Variants in OLFM1 observed in about 807,000 individuals in gnomAD.
The protein encoded by OLFM1 is olfactomedin 1.
Under a neutral mutation model 49.7 loss-of-function variants are expected in OLFM1, and 9 were observed. The observed-to-expected ratio is 0.18, with a 90% CI of 0.11 to 0.32. The LOEUF (loss-of-function observed/expected upper bound fraction) is 0.32, where lower values mean the gene tolerates loss of function less well. Ranked by LOEUF, OLFM1 falls within the 10% of genes least tolerant of loss-of-function variation. OLFM1 has a pLI of 1.00. For synonymous variants in OLFM1, 240 were observed against 271.8 expected, an observed-to-expected ratio of 0.88 and a Z score of 1.15; for missense variants, 369 against 661.8, an observed-to-expected ratio of 0.56 and a Z score of 4.85.
Position 135,088,228 on chromosome 9 carries a change from C to T in OLFM1, c.150+89C>T, listed in dbSNP as rs987102194. 2.6e-6 allele frequency: 3 copies of T among 1,148,040 alleles called. No homozygotes were observed. Among genetic ancestry groups the T allele is most frequent in the Admixed American group, 8.9e-5 (2 of 22,354 alleles). The allele number at this position is 1,148,040 out of a possible 1,614,324, so 71.1% of individuals were successfully genotyped here. On this transcript the variant is annotated intron_variant, in intron 1 of 5. Transcript: ENST00000371793. This position sits in a 1 kb window ranked among gnomAD's most constrained non-coding sequence, Gnocchi z 4.8. ...TCCGGAGCCCCGGGCTGGGCGGGCG[C>T]CGCGCGGGACCCGAGTCGCCCAGGG...
At position 135,118,026 on chromosome 9, in the gene OLFM1, C is replaced by G. The variant is rs143169087; in HGVS notation, c.784-1478C>G. Among the ~76,000 whole-genome samples, 712 of 152,288 alleles carry G rather than the reference C, an allele frequency of 4.7e-3. 6 individuals are homozygous for G. Among genetic ancestry groups the G allele is most frequent in the Middle Eastern group, 0.02 (6 of 294 alleles). The stretch of plus-strand genomic sequence containing the variant: ...GTGGCACCCTTTGGTTGTGACTACT[C>G]TTTCCTGGCTCTCTGGGTTTGGAGG... On this transcript the variant is annotated intron_variant, in intron 5 of 5. Coordinates refer to ENST00000371793, the MANE Select transcript of OLFM1 (RefSeq NM_001282611.2).
intron 5 of OLFM1, among the ~76,000 whole-genome samples, chr9:135,118,600 GA>G (rs1281344315): frequency 1.3e-5 from 2 of 150,386 alleles, no homozygotes; most frequent in South Asian, 2.1e-4. Flanking sequence ...TGGGTCTTTG[GA>G]AATGCTCACT....
chr9:135,116,296 A>G (rs549666693), intron 5 of OLFM1, among the ~76,000 whole-genome samples: 1 of 152,296 alleles, frequency 6.6e-6, no homozygotes, highest in African/African-American at 2.4e-5. Flanking sequence ...TTTACCCCAC[A>G]GAAACTGGCA....
In OLFM1 at chr9:135,087,734, C is replaced by A; in HGVS notation, c.-256C>A. On this transcript the variant is annotated 5_prime_UTR_variant, in exon 1 of 6. Coordinates refer to ENST00000371793, the MANE Select transcript of OLFM1 (RefSeq NM_001282611.2). ...AGGGACGCAGCCGGGCAAGGCAGGG[C>A]GCAGGGCGGGCGGCGCGAGGCGCAG... 5.0e-6 allele frequency: 2 copies of A among 398,002 alleles called. No homozygotes were observed. The highest frequency in any genetic ancestry group is 9.7e-5 in the South Asian group (1 of 10,342). The allele number at this position is 398,002 out of a possible 1,614,324, so 24.7% of individuals were successfully genotyped here. A position where few individuals can be genotyped will look rare whatever the true frequency, so the allele number is the denominator to read the frequency against.
intron 2 of OLFM1, among the ~76,000 whole-genome samples, chr9:135,091,681 A>G (rs1254596356): frequency 2.1e-5 from 2 of 93,250 alleles, no homozygotes; most frequent in Non-Finnish European, 4.3e-5. Flanking sequence ...ACACTCACAC[A>G]TAGTCTCACA....
At chr9:135,107,125 G>T (rs1477160712) in intron 5 of OLFM1, among the ~76,000 whole-genome samples, 1 of 151,724 alleles carries the variant, frequency 6.6e-6, no homozygotes, top group African/African-American at 2.4e-5. Flanking sequence ...CCTCCTCCCC[G>T]GCCCGGTGGG....
upstream of OLFM1, chr9:135,087,506 G>C: frequency 7.0e-7 from 1 of 1,427,242 alleles, no homozygotes; most frequent in Non-Finnish European, 9.3e-7. Context: ...CCCAACTCCT[G>C]GGCGGACTGG....
Position 135,098,254 on chromosome 9 carries a change from T to C in OLFM1, c.457-32T>C. ...CAGGGTGTGAGAGTTCTTGCATGCA[T>C]CGCACTGAACCAGCTTATTTTAACC... On this transcript the variant is annotated intron_variant, in intron 3 of 5. Coordinates refer to ENST00000371793, the MANE Select transcript of OLFM1 (RefSeq NM_001282611.2). This position sits in a 1 kb window ranked among gnomAD's most constrained non-coding sequence, Gnocchi z 5.6. 2 of 1,608,030 alleles carry C rather than the reference T, an allele frequency of 1.2e-6. No homozygotes were observed. The highest frequency in any genetic ancestry group is 1.7e-6 in the Non-Finnish European group (2 of 1,175,444).
chr9:135,087,331 C>T (rs770404077), upstream of OLFM1: 2 of 1,536,786 alleles, frequency 1.3e-6, no homozygotes, highest in Admixed American at 2.0e-5. Context: ...TGCCCCAAAG[C>T]GGACCCTCTG....
rs1222579554 is a variant in OLFM1 at position 135,087,930 on chromosome 9, C to T, written c.-60C>T. 7.6e-6 allele frequency: 10 copies of T among 1,320,466 alleles called. 1 individual carries two copies. In the African/African-American group the frequency reaches 1.1e-4, roughly 14 times the overall value. The allele number at this position is 1,320,466 out of a possible 1,614,324, so 81.8% of individuals were successfully genotyped here. A position where few individuals can be genotyped will look rare whatever the true frequency, so the allele number is the denominator to read the frequency against. ...GCCGCGGTGCCCGCCGCCTGAAGGC[C>T]GCCTGGGCGCGGGAGCCGGTGCCAG... is the stretch of plus-strand genomic sequence containing the variant. On this transcript the variant is annotated 5_prime_UTR_variant, in exon 1 of 6. Coordinates refer to ENST00000371793, the MANE Select transcript of OLFM1 (RefSeq NM_001282611.2).
At chr9:135,094,559 G>A (rs1385664838) in intron 2 of OLFM1, among the ~76,000 whole-genome samples, 1 of 152,200 alleles carries the variant, frequency 6.6e-6, no homozygotes, top group Admixed American at 6.5e-5. Flanking sequence ...AAGAGAAGGG[G>A]TGAGAGGGAG....
At chr9:135,083,906 G>A (rs570901420), upstream of OLFM1, among the ~76,000 whole-genome samples, 1 of 152,354 alleles carries the variant, frequency 6.6e-6, no homozygotes, top group East Asian at 1.9e-4. Context: ...AGGTCACACA[G>A]CCACGCCTGA....
rs888000326 is a variant in OLFM1, at chr9:135,098,181, G to T, written c.457-105G>T. On this transcript the variant is annotated intron_variant, in intron 3 of 5. Transcript: ENST00000371793. This position sits in a 1 kb window ranked among gnomAD's most constrained non-coding sequence, Gnocchi z 5.6. Reference sequence around the variant, plus strand: ...CAGAACAAATAAGCCTGTAAATAAAGCGGGAATATACACACTTTCCCTCAC... The same window carrying T: ...CAGAACAAATAAGCCTGTAAATAAATCGGGAATATACACACTTTCCCTCAC... 6.7e-5 allele frequency: 99 copies of T among 1,479,964 alleles called. No homozygotes were observed. The highest frequency in any genetic ancestry group is 7.7e-5 in the Non-Finnish European group (86 of 1,111,356). The allele number at this position is 1,479,964 out of a possible 1,614,324, so 91.7% of individuals were successfully genotyped here. A position where few individuals can be genotyped will look rare whatever the true frequency, so the allele number is the denominator to read the frequency against.
At position 135,098,256 on chromosome 9, in the gene OLFM1, G is replaced by C. The variant is rs751381277; in HGVS notation, c.457-30G>C. Reference sequence around the variant, plus strand: ...GGGTGTGAGAGTTCTTGCATGCATCGCACTGAACCAGCTTATTTTAACCTT... The same window carrying C: ...GGGTGTGAGAGTTCTTGCATGCATCCCACTGAACCAGCTTATTTTAACCTT... On this transcript the variant is annotated intron_variant, in intron 3 of 5. Coordinates refer to ENST00000371793, the MANE Select transcript of OLFM1 (RefSeq NM_001282611.2). The surrounding 1 kb of genome is among the most constrained non-coding windows in gnomAD (Gnocchi z 5.6). The C allele has an allele frequency of 6.2e-7, 1 of 1,608,078 alleles. No individual in the cohort carries two copies. The highest frequency in any genetic ancestry group is 8.5e-7 in the Non-Finnish European group (1 of 1,175,374).
chr9:135,111,845 G>T (rs926832167), intron 5 of OLFM1, among the ~76,000 whole-genome samples: 2 of 152,130 alleles, frequency 1.3e-5, no homozygotes, highest in Non-Finnish European at 2.9e-5. Flanking sequence ...GAGTAGCTGG[G>T]ATTACAGGCG....
intron 5 of OLFM1, among the ~76,000 whole-genome samples, chr9:135,108,743 TCATGCAG>T (rs888367179): frequency 5.9e-5 from 9 of 152,200 alleles, no homozygotes; most frequent in Non-Finnish European, 8.8e-5. Flanking sequence ...GACGGGGCCT[TCATGCAG>T]CCATCTGCGT....
chr9:135,110,336 C>G (rs1162993550), intron 5 of OLFM1, among the ~76,000 whole-genome samples: 1 of 152,172 alleles, frequency 6.6e-6, no homozygotes. Context: ...AGTCTCAGGT[C>G]AGCTCACATC....
rs1252038821 is a variant in OLFM1, at chr9:135,121,102, GT to G, written c.*925del. ...TCATACGGGCAACAGTATGCGGAAAGTACGTTTTTTAAGTAAAAAACAAAGG... is the reference window on the plus strand; with the variant it reads ...TCATACGGGCAACAGTATGCGGAAAGACGTTTTTTAAGTAAAAAACAAAGG... On this transcript the variant is annotated 3_prime_UTR_variant, in exon 6 of 6. Transcript: ENST00000371793. The G allele has an allele frequency of 6.6e-6, 1 of 152,250 alleles. No individual in the cohort carries two copies. The highest frequency in any genetic ancestry group is 2.4e-5 in the African/African-American group (1 of 41,444). The allele number at this position is 152,250 out of a possible 1,614,324, so 9.4% of individuals were successfully genotyped here. A position where few individuals can be genotyped will look rare whatever the true frequency, so the allele number is the denominator to read the frequency against.
In OLFM1 at chr9:135,120,068, T is replaced by A; in HGVS notation, c.1348T>A (p.Ser450Thr). 1 of 1,613,848 alleles carries A rather than the reference T, an allele frequency of 6.2e-7. No homozygotes were observed. The highest frequency in any genetic ancestry group is 1.1e-5 in the South Asian group (1 of 91,068). ...ATTCCAGAACAAATACTCCCACATC[T>A]CCATGCTGGACTACAACCCCAAGGA... is the stretch of plus-strand genomic sequence containing the variant. ...IPFQNKYSHI[S>T]MLDYNPKDRA... is the part of the protein sequence containing the mutation. The change falls in exon 6 of 6, where the codon TCC becomes ACC. Residue 450 changes from serine to threonine, a missense_variant. Coordinates refer to ENST00000371793, the MANE Select transcript of OLFM1 (RefSeq NM_001282611.2).
Sources: allele counts gnomAD v4.1 joint callset (sites outside exome capture counted in the v4.1 genomes callset), GRCh38; gene constraint gnomAD v4.1.1; non-coding constraint Gnocchi (gnomAD v3.1); transcripts MANE v1.5; gene names NCBI Gene and HGNC (gene_info 2026-07-23, HGNC 2026-07-21).